The following MYRFL variants were observed in gnomAD, a reference collection of about 807,000 sequenced individuals.
The protein encoded by MYRFL is myelin regulatory factor like, also known as myelin regulatory factor-like protein.
In MYRFL, 88 loss-of-function variants were observed where a neutral mutation model predicts 109.4. That is an observed-to-expected ratio of 0.80 (90% CI 0.68 to 0.96). MYRFL has a LOEUF of 0.96. Among genes scored for constraint, MYRFL ranks in the 40% least tolerant of loss-of-function variants. The probability of loss-of-function intolerance (pLI) is 0.00; values close to 1 mark genes in which losing one functional copy is unlikely to be tolerated. For missense variants in MYRFL, 957 were observed against 954.9 expected, an observed-to-expected ratio of 1.00 and a Z score of -0.03; for synonymous variants, 324 against 320.9, an observed-to-expected ratio of 1.01 and a Z score of -0.10.
chr12:69,840,286 C>A (rs17107156), intron 1 of MYRFL, among the ~76,000 whole-genome samples: 1 of 152,096 alleles, frequency 6.6e-6, no homozygotes, highest in Non-Finnish European at 1.5e-5. Flanking sequence ...GAGAAGGATG[C>A]GAGCAGGTAA....
intron 13 of MYRFL, among the ~76,000 whole-genome samples, chr12:69,917,057 T>C (rs1566023395): frequency 6.6e-6 from 1 of 152,184 alleles, no homozygotes. Context: ...AGTATGTTTC[T>C]GCCTCAGAGC....
intron 15 of MYRFL, among the ~76,000 whole-genome samples, chr12:69,931,710 T>A (rs1048533814): frequency 6.6e-6 from 1 of 152,222 alleles, no homozygotes; most frequent in Non-Finnish European, 1.5e-5. Flanking sequence ...GAAACTCATA[T>A]TTAAGTAGCA....
intron 19 of MYRFL, among the ~76,000 whole-genome samples, chr12:69,951,546 G>A (rs1277123206): frequency 6.7e-6 from 1 of 149,894 alleles, no homozygotes; most frequent in African/African-American, 2.5e-5. Context: ...TCCTGCCTCA[G>A]CCTCCCGAGT....
chr12:69,893,202 A>G (rs1249844450), intron 7 of MYRFL, among the ~76,000 whole-genome samples: 1 of 152,242 alleles, frequency 6.6e-6, no homozygotes, highest in Non-Finnish European at 1.5e-5. Context: ...CCAGTTGTAT[A>G]TTACAGGGCT....
intron 2 of MYRFL, among the ~76,000 whole-genome samples, chr12:69,857,169 T>C (rs1470466423): frequency 6.6e-6 from 1 of 151,918 alleles, no homozygotes; most frequent in Non-Finnish European, 1.5e-5. Flanking sequence ...AAAAAATCAA[T>C]TGACAAAATA....
intron 2 of MYRFL, among the ~76,000 whole-genome samples, chr12:69,871,222 T>C (rs1158973133): frequency 1.4e-5 from 2 of 147,316 alleles, no homozygotes; most frequent in South Asian, 2.1e-4. Flanking sequence ...CAACTCTTTT[T>C]GGATATTTCT....
chr12:69,903,603 T>A, intron 10 of MYRFL, 41 bp from the exon 11 acceptor site: 1 of 1,523,384 alleles, frequency 6.6e-7, no homozygotes, highest in Non-Finnish European at 8.8e-7. Context: ...CTATTCCTGC[T>A]ACTGTTACTT....
Position 69,909,953 on chromosome 12 carries a change from T to A in MYRFL, c.1384-16T>A. ...TATCTATGCGAGTAAAATCTGCTCTTCTTTAATTAAATTAGGTTGACACGA... is the reference window on the plus strand; with the variant it reads ...TATCTATGCGAGTAAAATCTGCTCTACTTTAATTAAATTAGGTTGACACGA... On this transcript the variant is annotated splice_polypyrimidine_tract_variant and intron_variant, in intron 11 of 24. Coordinates refer to ENST00000552032, the MANE Select transcript of MYRFL (RefSeq NM_182530.3). The A allele has an allele frequency of 6.6e-7, 1 of 1,506,548 alleles. No homozygotes were observed. Among genetic ancestry groups the A allele is most frequent in the Non-Finnish European group, 8.8e-7 (1 of 1,129,944 alleles). The allele number at this position is 1,506,548 out of a possible 1,614,324, so 93.3% of individuals were successfully genotyped here.
chr12:69,910,447 A>G (rs1211890442), intron 12 of MYRFL, among the ~76,000 whole-genome samples: 1 of 152,054 alleles, frequency 6.6e-6, no homozygotes, highest in Non-Finnish European at 1.5e-5. Context: ...TCTAGATAAG[A>G]GAAGGGGTAA....
chr12:69,880,951 G>GT (rs71094746), intron 5 of MYRFL, among the ~76,000 whole-genome samples: 26,734 of 112,548 alleles, frequency 0.24, 3,287 homozygotes, highest in South Asian at 0.34. Flanking sequence ...CAGCCTTCCT[G>GT]TTTTTTTTTT....
At chr12:69,829,725 A>G (rs924225857) in intron 1 of MYRFL, among the ~76,000 whole-genome samples, 3 of 152,134 alleles carry the variant, frequency 2.0e-5, no homozygotes. Flanking sequence ...ATGTTGATAG[A>G]ATGCCTCAGA....
intron 1 of MYRFL, among the ~76,000 whole-genome samples, chr12:69,850,612 G>C (rs1883823957): frequency 6.6e-6 from 1 of 152,178 alleles, no homozygotes; most frequent in Admixed American, 6.5e-5. Flanking sequence ...TGAGTGGTGA[G>C]ATAATTAGTA....
chr12:69,955,846 G>GAAA (rs747692000), intron 22 of MYRFL, among the ~76,000 whole-genome samples: 1 of 98,010 alleles, frequency 1.0e-5, no homozygotes, highest in African/African-American at 3.6e-5. Context: ...CCAAAAGACA[G>GAAA]AAAAAAAAAA....
chr12:69,886,677 A>G, intron 5 of MYRFL, 143 bp from the exon 6 acceptor site: 1 of 975,014 alleles, frequency 1.0e-6, no homozygotes, highest in South Asian at 1.7e-5. Context: ...TGAGGTCAGC[A>G]ACACACCTCC....
chr12:69,838,545 T>G (rs753893838), intron 1 of MYRFL, among the ~76,000 whole-genome samples: 2 of 152,270 alleles, frequency 1.3e-5, no homozygotes, highest in African/African-American at 2.4e-5. Context: ...CAAATTTACC[T>G]TCTATGGCTA....
intron 24 of MYRFL, 25 bp from the exon 25 acceptor site, chr12:69,958,420 T>A: frequency 7.0e-7 from 1 of 1,419,154 alleles, no homozygotes; most frequent in Non-Finnish European, 9.1e-7. Flanking sequence ...TAATCTTCCT[T>A]TTTTTTTTTC....
intron 1 of MYRFL, among the ~76,000 whole-genome samples, chr12:69,833,828 C>CTTTT (rs11300053): frequency 4.6e-4 from 52 of 113,888 alleles, no homozygotes; most frequent in Non-Finnish European, 5.7e-4. Context: ...ATAGGGCTTG[C>CTTTT]TTTTTTTTTT....
At chr12:69,840,515 TC>T (rs1408329498) in intron 1 of MYRFL, among the ~76,000 whole-genome samples, 1 of 152,230 alleles carries the variant, frequency 6.6e-6, no homozygotes, top group East Asian at 1.9e-4. Flanking sequence ...GCTGCAGTGT[TC>T]CTGCCTGTTG....
chr12:69,943,034 T>G (rs1086223), intron 19 of MYRFL, among the ~76,000 whole-genome samples: 114,192 of 148,126 alleles, frequency 0.77, 44,536 homozygotes, highest in Middle Eastern at 0.89. Context: ...AATAAAAGAG[T>G]ATACAAACAA....
Sources: allele counts gnomAD v4.1 joint callset (sites outside exome capture counted in the v4.1 genomes callset), GRCh38; gene constraint gnomAD v4.1.1; transcripts MANE v1.5; gene names NCBI Gene and HGNC (gene_info 2026-07-23, HGNC 2026-07-21).